ARHGAP5: variants seen among roughly 807,000 people sequenced by gnomAD.
ARHGAP5 encodes the protein Rho GTPase activating protein 5.
A neutral mutation model predicts 116.6 loss-of-function variants in ARHGAP5; 23 were observed. The observed-to-expected ratio is 0.20, with a 90% CI of 0.14 to 0.28. ARHGAP5 has a LOEUF of 0.28. Among genes scored for constraint, ARHGAP5 ranks in the 10% least tolerant of loss-of-function variants. The pLI is 1.00. For synonymous variants in ARHGAP5, 574 were observed against 602.0 expected, an observed-to-expected ratio of 0.95 and a Z score of 0.68; for missense variants, 1,405 against 1,774.8, an observed-to-expected ratio of 0.79 and a Z score of 3.74.
chr14:32,084,351 G>A (rs1460611609), intron 1 of ARHGAP5, among the ~76,000 whole-genome samples: 1 of 152,070 alleles, frequency 6.6e-6, no homozygotes, highest in African/African-American at 2.4e-5. Context: ...CCTATTGTGT[G>A]TTAATGATCA....
intron 3 of ARHGAP5, among the ~76,000 whole-genome samples, chr14:32,132,786 T>G (rs1368449627): frequency 6.6e-6 from 1 of 152,216 alleles, no homozygotes; most frequent in East Asian, 1.9e-4. Context: ...AGGGATCCAG[T>G]TTCAGCTTTG....
At chr14:32,127,125 G>A (rs1239004461) in intron 3 of ARHGAP5, among the ~76,000 whole-genome samples, 10 of 150,978 alleles carry the variant, frequency 6.6e-5, no homozygotes, top group Non-Finnish European at 1.3e-4. Context: ...AGCCTCCCAA[G>A]TAGCTGGGAC....
In ARHGAP5 at chr14:32,155,140, G is replaced by A. The variant is rs1488652475; in HGVS notation, c.*192G>A. 1 of 573,718 alleles carries A rather than the reference G, an allele frequency of 1.7e-6. No homozygotes were observed. The allele number at this position is 573,718 out of a possible 1,614,324, so 35.5% of individuals were successfully genotyped here. A position where few individuals can be genotyped will look rare whatever the true frequency, so the allele number is the denominator to read the frequency against. ...TAAGACCATGTGATAAGCATGACTGGAGAGGTTTAATTTTTATAAACAAAA... is the reference window on the plus strand; with the variant it reads ...TAAGACCATGTGATAAGCATGACTGAAGAGGTTTAATTTTTATAAACAAAA... On this transcript the variant is annotated 3_prime_UTR_variant, in exon 7 of 7. Transcript: ENST00000345122.
chr14:32,113,669 G>A (rs537996674), intron 2 of ARHGAP5, among the ~76,000 whole-genome samples: 4 of 152,282 alleles, frequency 2.6e-5, no homozygotes, highest in Non-Finnish European at 5.9e-5. Context: ...AGGGCTGTCT[G>A]GATAAGGTTG....
chr14:32,158,157 A>G lies in ARHGAP5; in HGVS notation c.*3209A>G, dbSNP rs1881979976. 1 of 151,730 alleles carries G rather than the reference A, an allele frequency of 6.6e-6. No homozygotes were observed. The highest frequency in any genetic ancestry group is 1.5e-5 in the Non-Finnish European group (1 of 67,728). 9.4% of individuals were successfully genotyped at this position (151,730 alleles called of 1,614,324 possible). A position where few individuals can be genotyped will look rare whatever the true frequency, so the allele number is the denominator to read the frequency against. ...GTAATTTTAAGTTATAGTTGCCTCTATTTTTACCATTTCATTGGTAAAAAT... is the reference window on the plus strand; with the variant it reads ...GTAATTTTAAGTTATAGTTGCCTCTGTTTTTACCATTTCATTGGTAAAAAT... On this transcript the variant is annotated 3_prime_UTR_variant, in exon 7 of 7. Transcript: ENST00000345122.
intron 3 of ARHGAP5, among the ~76,000 whole-genome samples, chr14:32,140,097 C>CTTTTTTTTTTTTTTTTTTTTTTT (rs1182430088): frequency 3.2e-4 from 8 of 25,382 alleles, no homozygotes; most frequent in Non-Finnish European, 5.8e-4. Flanking sequence ...GTTATTTGTT[C>CTTTTTTTTTTTTTTTTTTTTTTT]TTTTTTTTTT....
intron 1 of ARHGAP5, among the ~76,000 whole-genome samples, chr14:32,089,953 AT>A (rs1299583774): frequency 2.0e-5 from 3 of 151,870 alleles, no homozygotes; most frequent in Non-Finnish European, 4.4e-5. Context: ...GGGGTATAAC[AT>A]TTGGTAGATT....
chr14:32,079,347 A>G (rs2041748645), intron 1 of ARHGAP5, among the ~76,000 whole-genome samples: 1 of 152,152 alleles, frequency 6.6e-6, no homozygotes, highest in Non-Finnish European at 1.5e-5. Context: ...ATTGCGGCAG[A>G]ATTCTGTTAT....
chr14:32,132,870 A>T (rs543879929), intron 3 of ARHGAP5, among the ~76,000 whole-genome samples: 9 of 152,104 alleles, frequency 5.9e-5, no homozygotes, highest in Admixed American at 5.9e-4. Flanking sequence ...TGTTTTTGTC[A>T]GGTTTGTCAA....
In ARHGAP5 at chr14:32,156,793, G is replaced by T. The variant is rs1881913393; in HGVS notation, c.*1845G>T. Reference sequence around the variant, plus strand: ...TATAAACTGTTTCTAGGTTGCTAAAGAATTTATTTTTCTACTATATATGGT... The same window carrying T: ...TATAAACTGTTTCTAGGTTGCTAAATAATTTATTTTTCTACTATATATGGT... On this transcript the variant is annotated 3_prime_UTR_variant, in exon 7 of 7. Transcript: ENST00000345122. The T allele has an allele frequency of 6.6e-6, 1 of 152,272 alleles. No homozygotes were observed. The highest frequency in any genetic ancestry group is 2.4e-5 in the African/African-American group (1 of 41,438). 9.4% of individuals were successfully genotyped at this position (152,272 alleles called of 1,614,324 possible).
At chr14:32,131,205 A>G (rs143534391) in intron 3 of ARHGAP5, among the ~76,000 whole-genome samples, 124 of 150,478 alleles carry the variant, frequency 8.2e-4, no homozygotes, top group African/African-American at 2.8e-3. Context: ...TGTTGTATCA[A>G]TCCAAGGTCC....
In ARHGAP5 at chr14:32,155,539, GGAT is replaced by G. The variant is rs1412839573; in HGVS notation, c.*595_*597del. On this transcript the variant is annotated 3_prime_UTR_variant, in exon 7 of 7. Coordinates refer to ENST00000345122, the MANE Select transcript of ARHGAP5 (RefSeq NM_001030055.2). ...CATCTTTACTTCCAAGTAAACCCGT[GGAT>G]GATTTGATGAGGGATAAATGAACCT... 1 of 152,672 alleles carries G rather than the reference GGAT, an allele frequency of 6.5e-6. No homozygotes were observed. The highest frequency in any genetic ancestry group is 2.4e-5 in the African/African-American group (1 of 41,412). 9.5% of individuals were successfully genotyped at this position (152,672 alleles called of 1,614,324 possible). A position where few individuals can be genotyped will look rare whatever the true frequency, so the allele number is the denominator to read the frequency against.
At chr14:32,132,083 C>T (rs1400545903) in intron 3 of ARHGAP5, among the ~76,000 whole-genome samples, 2 of 152,134 alleles carry the variant, frequency 1.3e-5, no homozygotes, top group Non-Finnish European at 2.9e-5. Context: ...GATTTATAAT[C>T]CTTTAGGTAT....
Position 32,135,160 on chromosome 14 carries a change from A to G in ARHGAP5, c.3866-11103A>G, listed in dbSNP as rs990979345. On this transcript the variant is annotated intron_variant, in intron 3 of 6. Transcript: ENST00000345122. ...ATCACTCCCAAAGTTTTCCTATTAA[A>G]AAGTATTGAGTGCCTAGAAAGAAAA... Among the ~76,000 whole-genome samples, 44 of 152,210 alleles carry G rather than the reference A, an allele frequency of 2.9e-4. 1 individual carries two copies. The highest frequency in any genetic ancestry group is 2.9e-3 in the Admixed American group (44 of 15,286).
rs1365948433 is a variant in ARHGAP5 at position 32,159,108 on chromosome 14, A to C, written c.*4160A>C. 6 of 152,136 alleles carry C rather than the reference A, an allele frequency of 3.9e-5. No individual in the cohort carries two copies. The highest frequency in any genetic ancestry group is 8.8e-5 in the Non-Finnish European group (6 of 67,988). The allele number at this position is 152,136 out of a possible 1,614,324, so 9.4% of individuals were successfully genotyped here. A position where few individuals can be genotyped will look rare whatever the true frequency, so the allele number is the denominator to read the frequency against. Reference sequence around the variant, plus strand: ...TTCTGTAGGCAGTATGATTTTGAAAAGCTAACCAATGATAATTAGCATTTT... The same window carrying C: ...TTCTGTAGGCAGTATGATTTTGAAACGCTAACCAATGATAATTAGCATTTT... On this transcript the variant is annotated 3_prime_UTR_variant, in exon 7 of 7. Transcript: ENST00000345122.
intron 3 of ARHGAP5, among the ~76,000 whole-genome samples, chr14:32,136,715 A>G (rs1240127800): frequency 2.0e-5 from 3 of 152,198 alleles, no homozygotes; most frequent in East Asian, 3.8e-4. Flanking sequence ...ACTATTTTAC[A>G]TTCTTATCAG....
In ARHGAP5 at chr14:32,149,848, C is replaced by T. The variant is rs991414516; in HGVS notation, c.3944-54C>T. On this transcript the variant is annotated intron_variant, in intron 4 of 6. Coordinates refer to ENST00000345122, the MANE Select transcript of ARHGAP5 (RefSeq NM_001030055.2). ...GATCTAAAAGTAACCATTTAGCTTG[C>T]TTCTATAATAAAGTTTTATTATATA... The T allele has an allele frequency of 6.6e-6, 7 of 1,068,044 alleles. No individual in the cohort carries two copies. In the African/African-American group the frequency reaches 8.4e-5, roughly 13 times the overall value. The allele number at this position is 1,068,044 out of a possible 1,614,324, so 66.2% of individuals were successfully genotyped here. A position where few individuals can be genotyped will look rare whatever the true frequency, so the allele number is the denominator to read the frequency against.
chr14:32,116,262 C>T (rs1192145901), intron 2 of ARHGAP5, among the ~76,000 whole-genome samples: 1 of 146,960 alleles, frequency 6.8e-6, no homozygotes, highest in Non-Finnish European at 1.5e-5. Context: ...GCACTCCAGC[C>T]TGGGTGAGAG....
intron 2 of ARHGAP5, among the ~76,000 whole-genome samples, chr14:32,116,690 G>GTTA (rs1879617057): frequency 1.3e-5 from 2 of 152,166 alleles, no homozygotes; most frequent in Admixed American, 6.5e-5. Context: ...GGTTCATGGA[G>GTTA]TTATATAGCA....
Sources: gnomAD v4.1 joint callset for allele counts (sites outside exome capture counted in the v4.1 genomes callset) on GRCh38, gnomAD v4.1.1 for gene constraint, MANE v1.5 for transcripts, NCBI Gene and HGNC (gene_info 2026-07-23, HGNC 2026-07-21) for gene names.